CTNNA2: variants seen among roughly 807,000 people sequenced by gnomAD.
CTNNA2 encodes the protein catenin alpha 2.
Under a neutral mutation model 101.0 loss-of-function variants are expected in CTNNA2, and 42 were observed. The ratio of observed to expected loss-of-function variants is 0.42; its 90% CI spans 0.32 to 0.54. The LOEUF is 0.54. Ranked by LOEUF, CTNNA2 falls within the 20% of genes least tolerant of loss-of-function variation. CTNNA2 has a pLI of 0.14. For missense variants in CTNNA2, 871 were observed against 1,223.1 expected (o/e 0.71, Z 4.29); for synonymous variants, 450 against 456.4 (o/e 0.99, Z 0.18).
chr2:79,247,912 G>A (rs1262834509), intron 2 of CTNNA2, among the ~76,000 whole-genome samples: 2 of 152,186 alleles, frequency 1.3e-5, no homozygotes, highest in African/African-American at 4.8e-5. Context: ...CCTCTAGAAG[G>A]AGCACGGCCA....
intron 4 of CTNNA2, among the ~76,000 whole-genome samples, chr2:79,419,037 C>T (rs1678512242): frequency 6.8e-6 from 1 of 148,026 alleles, no homozygotes; most frequent in African/African-American, 2.5e-5. Flanking sequence ...CCTTTTGGAG[C>T]AGGAAGGTAA....
chr2:79,863,617 A>C (rs1289834295), intron 4 of CTNNA2, among the ~76,000 whole-genome samples: 2 of 152,196 alleles, frequency 1.3e-5, no homozygotes, highest in East Asian at 3.8e-4. Flanking sequence ...CACTAATAGC[A>C]GTTTGGAATA....
intron 4 of CTNNA2, among the ~76,000 whole-genome samples, chr2:79,437,001 A>C (rs1678723647): frequency 6.6e-6 from 1 of 151,974 alleles, no homozygotes; most frequent in Admixed American, 6.5e-5. Flanking sequence ...TAGGAGGCTG[A>C]GGTGGGCAGA....
At chr2:79,930,242 CAAAGAAAG>C (rs141730925) in intron 7 of CTNNA2, among the ~76,000 whole-genome samples, 2,896 of 82,488 alleles carry the variant, frequency 0.035, 166 homozygotes, top group African/African-American at 0.12. Flanking sequence ...GACTCTGTCT[CAAAGAAAG>C]AAAGAAAGAA....
At chr2:79,453,804 C>A (rs1049321394) in intron 4 of CTNNA2, among the ~76,000 whole-genome samples, 14 of 152,006 alleles carry the variant, frequency 9.2e-5, no homozygotes, top group African/African-American at 3.4e-4. Flanking sequence ...CAGTGATTAA[C>A]AAAATTGTGT....
At chr2:80,068,775 T>C (rs986696159) in intron 7 of CTNNA2, among the ~76,000 whole-genome samples, 14 of 152,322 alleles carry the variant, frequency 9.2e-5, no homozygotes, top group African/African-American at 3.4e-4. Context: ...ACCTGATAGT[T>C]ATTTCCAAAA....
chr2:79,449,890 T>C (rs1678869999), intron 4 of CTNNA2, among the ~76,000 whole-genome samples: 1 of 151,934 alleles, frequency 6.6e-6, no homozygotes, highest in South Asian at 2.1e-4. Flanking sequence ...AAATGCAGGA[T>C]TGGGGTTTAA....
chr2:79,440,572 A>G lies in CTNNA2; in HGVS notation c.-134-64482A>G, dbSNP rs371258859. Among the ~76,000 whole-genome samples, 152 of 152,278 alleles carry G rather than the reference A, an allele frequency of 1.0e-3. 3 individuals carry two copies. The South Asian group carries it at 0.021, about 21-fold the overall frequency. ...ACTACAATACAAAGACCTAGTCCTT[A>G]GGGACTCATTTCTAGAGCTGAATAC... On this transcript the variant is annotated intron_variant, in intron 4 of 21. Transcript: ENST00000466387.
intron 7 of CTNNA2, among the ~76,000 whole-genome samples, chr2:80,145,285 G>A (rs889437409): frequency 6.6e-6 from 1 of 152,138 alleles, no homozygotes; most frequent in African/African-American, 2.4e-5. Flanking sequence ...CTCCCTGGAA[G>A]GGTCCTCTTA....
At chr2:79,603,427 A>G (rs1007292241) in intron 1 of CTNNA2, among the ~76,000 whole-genome samples, 2 of 152,224 alleles carry the variant, frequency 1.3e-5, no homozygotes, top group African/African-American at 4.8e-5. Context: ...TGGAATGACA[A>G]AACTTATAAT....
chr2:79,234,954 T>A (rs957483271), intron 2 of CTNNA2, among the ~76,000 whole-genome samples: 2 of 152,184 alleles, frequency 1.3e-5, no homozygotes, highest in Non-Finnish European at 2.9e-5. Context: ...TTCCTTGGAT[T>A]GGGTTTCAAC....
chr2:79,788,140 T>C (rs1400889684), intron 3 of CTNNA2, among the ~76,000 whole-genome samples: 2 of 152,164 alleles, frequency 1.3e-5, no homozygotes, highest in African/African-American at 4.8e-5. Flanking sequence ...GTTTGGAAAC[T>C]TTATCTGTTA....
intron 2 of CTNNA2, among the ~76,000 whole-genome samples, chr2:79,707,020 C>A (rs1357418525): frequency 1.3e-5 from 2 of 152,102 alleles, no homozygotes; most frequent in African/African-American, 4.8e-5. Flanking sequence ...GGAATTCCTA[C>A]TTTGTATGTT....
At chr2:80,461,649 C>T (rs563522227) in intron 9 of CTNNA2, among the ~76,000 whole-genome samples, 1 of 151,922 alleles carries the variant, frequency 6.6e-6, no homozygotes. Context: ...TGTTCATGTA[C>T]TGGTGCTTTT....
At chr2:80,587,461 ATAT>A (rs1159943719) in intron 14 of CTNNA2, among the ~76,000 whole-genome samples, 8 of 152,164 alleles carry the variant, frequency 5.3e-5, no homozygotes, top group Non-Finnish European at 7.3e-5. Flanking sequence ...GAAAAAACAC[ATAT>A]TATTTAATTT....
At chr2:80,078,152 T>C (rs1318838184) in intron 7 of CTNNA2, among the ~76,000 whole-genome samples, 1 of 152,142 alleles carries the variant, frequency 6.6e-6, no homozygotes. Context: ...AGATGCTAAG[T>C]CCAGTGTTAG....
At chr2:79,795,325 T>A (rs965411857) in intron 3 of CTNNA2, among the ~76,000 whole-genome samples, 1 of 152,098 alleles carries the variant, frequency 6.6e-6, no homozygotes, top group African/African-American at 2.4e-5. Flanking sequence ...ACTAATTGTC[T>A]TAAAAGATTT....
At chr2:80,453,796 A>C (rs1683732181) in intron 9 of CTNNA2, among the ~76,000 whole-genome samples, 1 of 152,166 alleles carries the variant, frequency 6.6e-6, no homozygotes, top group Non-Finnish European at 1.5e-5. Context: ...AAATCAAAAG[A>C]TACGTTTCTA....
At chr2:79,228,116 T>A (rs1198775715) in intron 2 of CTNNA2, among the ~76,000 whole-genome samples, 1 of 152,220 alleles carries the variant, frequency 6.6e-6, no homozygotes, top group Non-Finnish European at 1.5e-5. Flanking sequence ...TATTACACGG[T>A]TTATAAGTAC....
Sources: allele counts gnomAD v4.1 joint callset (sites outside exome capture counted in the v4.1 genomes callset), GRCh38; gene constraint gnomAD v4.1.1; transcripts MANE v1.5; gene names NCBI Gene and HGNC (gene_info 2026-07-23, HGNC 2026-07-21).